The following DNAH17 variants were observed in gnomAD, a reference collection of about 807,000 sequenced individuals.
DNAH17 encodes the protein axonemal beta dynein heavy chain 17.
DNAH17 carries 376 observed loss-of-function variants against 485.6 expected under a neutral mutation model. That is an observed-to-expected ratio of 0.77 (90% CI 0.71 to 0.84). DNAH17 has a LOEUF of 0.84. Among genes scored for constraint, DNAH17 ranks in the 40% least tolerant of loss-of-function variants. DNAH17 has a pLI of 0.00. For synonymous variants in DNAH17, 3,031 were observed against 2,405.9 expected (o/e 1.26, Z -7.60); for missense variants, 6,370 against 5,839.3 (o/e 1.09, Z -2.96).
In DNAH17 at chr17:78,450,318, G is replaced by A. The variant is rs1441990821; in HGVS notation, c.10976C>T (p.Ser3659Phe). Residue 3659 changes from serine (S) to phenylalanine (F), a missense_variant, in exon 68 of 81, where the codon TCT (serine) becomes TTT (phenylalanine). Physicochemically the swap from Ser to Phe is radical, Grantham distance 155 (BLOSUM62 -2). Transcript: ENST00000389840. ...ENYRPAAERASLLYFILNDLN... is the reference protein window; with the variant it reads ...ENYRPAAERAFLLYFILNDLN... ...ATCGTTCAGTATGAAGTAGAGCAGA[G>A]ATGCCCTCTCCGCAGCCGGGCGGTA... 15 of 1,614,034 alleles carry A rather than the reference G, an allele frequency of 9.3e-6. No homozygotes were observed. The highest frequency in any genetic ancestry group is 1.2e-5 in the Non-Finnish European group (14 of 1,179,890).
In DNAH17 at chr17:78,464,476, A is replaced by G. The variant is rs148684188; in HGVS notation, c.8941-1399T>C. Among the ~76,000 whole-genome samples, 177 of 152,248 alleles carry G rather than the reference A, an allele frequency of 1.2e-3. 4 individuals carry two copies. The East Asian group carries it at 0.029, about 25-fold the overall frequency. ...GGGTTTCACCATGTTGGCCAGGCTGATCTCGAACTCCTGACCTCAAGTGAT... is the reference window on the plus strand; with the variant it reads ...GGGTTTCACCATGTTGGCCAGGCTGGTCTCGAACTCCTGACCTCAAGTGAT... On this transcript the variant is annotated intron_variant, in intron 56 of 80. Transcript: ENST00000389840.
chr17:78,469,011 T>A (rs1359873756), intron 54 of DNAH17, 128 bp from the exon 55 acceptor site: 1 of 1,168,062 alleles, frequency 8.6e-7, no homozygotes, highest in Non-Finnish European at 1.2e-6. Context: ...TCGCCCAGGC[T>A]GGAGTGCAAT....
chr17:78,570,388 C>T lies in DNAH17; in HGVS notation c.919-16G>A. ...AGGTGGGGAGCTGGGGGGAGACAGG[C>T]CCAGGCACACTGGAGGGGACTGGCC... On this transcript the variant is annotated splice_polypyrimidine_tract_variant and intron_variant, in intron 6 of 80. Transcript: ENST00000389840. 1 of 1,607,062 alleles carries T rather than the reference C, an allele frequency of 6.2e-7. No homozygotes were observed. The highest frequency in any genetic ancestry group is 8.5e-7 in the Non-Finnish European group (1 of 1,177,590).
chr17:78,458,570 C>T lies in DNAH17; in HGVS notation c.9972G>A (p.Ala3324=), dbSNP rs1198992662. The T allele has an allele frequency of 8.7e-6, 14 of 1,613,516 alleles. No homozygotes were observed. The highest frequency in any genetic ancestry group is 1.7e-5 in the Admixed American group (1 of 59,996). ...ADATNRVILL[A]NRLVGGLASE... ...TCTCGGGGAGGAGCTGATACCTGTT[C>T]GCCAGTAAGATCACCCTGTTCGTGG... The change falls in exon 62 of 81, where the codon GCG becomes GCA. Residue 3324 remains alanine, a synonymous_variant. Transcript: ENST00000389840.
chr17:78,459,715 C>T, intron 60 of DNAH17, 69 bp downstream of exon 60: 1 of 1,571,586 alleles, frequency 6.4e-7, no homozygotes, highest in African/African-American at 1.3e-5. Context: ...TGCTTCACCT[C>T]AGCATCGTGC....
intron 3 of DNAH17, among the ~76,000 whole-genome samples, chr17:78,572,413 G>A (rs1202520456): frequency 6.6e-6 from 1 of 152,114 alleles, no homozygotes; most frequent in East Asian, 1.9e-4. Flanking sequence ...TGCTTGCTGG[G>A]TGGTGACTGG....
At chr17:78,489,197 G>A (rs2089741182) in intron 44 of DNAH17, among the ~76,000 whole-genome samples, 1 of 152,180 alleles carries the variant, frequency 6.6e-6, no homozygotes, top group Non-Finnish European at 1.5e-5. Context: ...CTGCCTCCCA[G>A]CAGAGGGTCT....
intron 26 of DNAH17, among the ~76,000 whole-genome samples, chr17:78,511,074 T>C (rs903921638): frequency 6.6e-6 from 1 of 152,222 alleles, no homozygotes; most frequent in African/African-American, 2.4e-5. Flanking sequence ...GACACCCTGA[T>C]TTCAGAGTCC....
At chr17:78,532,428 C>T in intron 20 of DNAH17, 54 bp downstream of exon 20, 1 of 1,538,506 alleles carries the variant, frequency 6.5e-7, no homozygotes. Flanking sequence ...CCTGGTGATC[C>T]TCTCCTGGAA....
In DNAH17 at chr17:78,506,568, C is replaced by G. The variant is rs560634943; in HGVS notation, c.4803+152G>C. Reference sequence around the variant, plus strand: ...CACGTTTCTGCCATGGCTGGGGACCCCAGGGCAGCTTCTGGTGCAGAGGGC... The same window carrying G: ...CACGTTTCTGCCATGGCTGGGGACCGCAGGGCAGCTTCTGGTGCAGAGGGC... On this transcript the variant is annotated intron_variant, in intron 30 of 80. Coordinates refer to ENST00000389840, the MANE Select transcript of DNAH17 (RefSeq NM_173628.4). Among the ~76,000 whole-genome samples the G allele has an allele frequency of 1.6e-4, 24 of 152,266 alleles. 1 individual carries two copies. The highest frequency in any genetic ancestry group is 5.3e-4 in the African/African-American group (22 of 41,534).
intron 72 of DNAH17, 30 bp from the exon 73 acceptor site, chr17:78,439,247 C>T (rs1483567778): frequency 3.8e-6 from 6 of 1,588,916 alleles, no homozygotes; most frequent in Non-Finnish European, 5.1e-6. Context: ...GAAAAAAACA[C>T]CACGTAATTA....
intron 14 of DNAH17, among the ~76,000 whole-genome samples, chr17:78,556,558 G>A (rs1329539479): frequency 6.6e-6 from 1 of 152,122 alleles, no homozygotes. Flanking sequence ...GGCTTGGGGT[G>A]GGGTCAAAGT....
intron 69 of DNAH17, among the ~76,000 whole-genome samples, chr17:78,447,383 C>T (rs553254655): frequency 3.2e-4 from 48 of 152,248 alleles, no homozygotes; most frequent in Admixed American, 4.6e-4. Flanking sequence ...TTGTGCATGC[C>T]GGCCCTCTGG....
chr17:78,428,165 T>G (rs1206759883), intron 77 of DNAH17, among the ~76,000 whole-genome samples: 1 of 152,134 alleles, frequency 6.6e-6, no homozygotes, highest in Non-Finnish European at 1.5e-5. Flanking sequence ...GAGCTGCTAC[T>G]GCTGTTGTGC....
Position 78,479,504 on chromosome 17 carries a change from C to G in DNAH17, c.7881G>C (p.Gln2627His), listed in dbSNP as rs1381597150. Reference sequence around the variant, plus strand: ...GCTTACCCAGGGCCGCGGCCACCAGCTGGCTGCTTATCCTCTGGATAGCCA... The same window carrying G: ...GCTTACCCAGGGCCGCGGCCACCAGGTGGCTGCTTATCCTCTGGATAGCCA... Reference protein sequence around the residue: ...VSMAIQRISSQLVAAALALHQ... With the variant: ...VSMAIQRISSHLVAAALALHQ... The change falls in exon 50 of 81, where the codon CAG becomes CAC. Residue 2627 changes from glutamine (Q) to histidine (H), a missense_variant. Coordinates refer to ENST00000389840, the MANE Select transcript of DNAH17 (RefSeq NM_173628.4). 1 of 1,612,456 alleles carries G rather than the reference C, an allele frequency of 6.2e-7. No homozygotes were observed.
intron 48 of DNAH17, among the ~76,000 whole-genome samples, chr17:78,483,200 C>T (rs952749081): frequency 1.3e-5 from 2 of 152,224 alleles, no homozygotes; most frequent in Non-Finnish European, 2.9e-5. Context: ...GTCACCTCCC[C>T]CAGGGAGCCA....
Position 78,485,085 on chromosome 17 carries a change from T to C in DNAH17, c.7484-52A>G, listed in dbSNP as rs2089538954. ...CGCCTGCGCCTCCTGAGCCAGAGCC[T>C]GTTAGGTAGGGAGGGGCGCTACCTG... On this transcript the variant is annotated intron_variant, in intron 47 of 80. Coordinates refer to ENST00000389840, the MANE Select transcript of DNAH17 (RefSeq NM_173628.4). The C allele has an allele frequency of 2.6e-6, 4 of 1,538,900 alleles. No homozygotes were observed. The South Asian group carries it at 5.1e-5, about 20-fold the overall frequency.
At chr17:78,550,597 A>G (rs542668924) in intron 16 of DNAH17, among the ~76,000 whole-genome samples, 17 of 152,302 alleles carry the variant, frequency 1.1e-4, no homozygotes, top group Non-Finnish European at 1.8e-4. Flanking sequence ...AGAAGACAGC[A>G]TCTATAACTA....
chr17:78,474,688 G>A (rs1259322790), intron 54 of DNAH17, among the ~76,000 whole-genome samples: 2 of 147,632 alleles, frequency 1.4e-5, no homozygotes, highest in Non-Finnish European at 3.0e-5. Context: ...TCAGTCACAC[G>A]GACACGCACA....
Sources: allele counts gnomAD v4.1 joint callset (sites outside exome capture counted in the v4.1 genomes callset), GRCh38; gene constraint gnomAD v4.1.1; transcripts MANE v1.5; gene names NCBI Gene and HGNC (gene_info 2026-07-23, HGNC 2026-07-21).